UBE2D3: variants seen among roughly 807,000 people sequenced by gnomAD.
UBE2D3 encodes the protein ubiquitin-conjugating enzyme E2 D3.
In UBE2D3, 2 loss-of-function variants were observed where a neutral mutation model predicts 22.8. The ratio of observed to expected loss-of-function variants is 0.09; its 90% CI spans 0.04 to 0.28. The LOEUF (loss-of-function observed/expected upper bound fraction) is 0.28, where lower values mean the gene tolerates loss of function less well. Ranked by LOEUF, UBE2D3 falls within the 10% of genes least tolerant of loss-of-function variation. The pLI is 1.00. For missense variants in UBE2D3, 27 were observed against 182.5 expected (o/e 0.15, Z 4.91); for synonymous variants, 56 against 60.4 (o/e 0.93, Z 0.34).
At chr4:102,802,160 TAAG>T (rs1391642499) in intron 5 of UBE2D3, 2 of 157,190 alleles carry the variant, frequency 1.3e-5, no homozygotes, top group African/African-American at 4.8e-5. Context: ...TAAGCAACTC[TAAG>T]TTTTCACAAA....
At chr4:102,800,929 A>T (rs1410956140) in intron 6 of UBE2D3, among the ~76,000 whole-genome samples, 2 of 152,038 alleles carry the variant, frequency 1.3e-5, no homozygotes, top group African/African-American at 4.8e-5. Context: ...AAGAGACCAG[A>T]ATTGATCTAC....
chr4:102,808,904 T>C (rs1474063892), intron 4 of UBE2D3, among the ~76,000 whole-genome samples: 1 of 152,044 alleles, frequency 6.6e-6, no homozygotes, highest in Non-Finnish European at 1.5e-5. Context: ...CTGACCATTA[T>C]CTCACCTAGT....
intron 1 of UBE2D3, chr4:102,827,125 G>A (rs1578271746): frequency 8.1e-6 from 8 of 986,494 alleles, no homozygotes; most frequent in Non-Finnish European, 8.4e-6. Flanking sequence ...GCTATTCTGT[G>A]TCACCCCTGA....
At chr4:102,840,402 C>A (rs1456538692) in intron 1 of UBE2D3, among the ~76,000 whole-genome samples, 4 of 152,204 alleles carry the variant, frequency 2.6e-5, no homozygotes, top group East Asian at 1.9e-4. Context: ...AGAATGAAAT[C>A]ATTTCCTCTG....
intron 2 of UBE2D3, among the ~76,000 whole-genome samples, chr4:102,826,216 G>A (rs924356379): frequency 1.3e-5 from 2 of 152,086 alleles, no homozygotes; most frequent in Middle Eastern, 6.8e-3. Flanking sequence ...AAATAATAAA[G>A]GCGCCTTAAG....
At chr4:102,811,289 T>G (rs1194563258) in intron 2 of UBE2D3, 1 of 152,602 alleles carries the variant, frequency 6.6e-6, no homozygotes, top group East Asian at 1.9e-4. Flanking sequence ...AAGGCTGCAG[T>G]GAGCTGTGAT....
rs1259738092 is a variant in UBE2D3, at chr4:102,825,513, C to G, written c.24+972G>C. 3.4e-6 allele frequency: 4 copies of G among 1,168,866 alleles called. No homozygotes were observed. The East Asian group carries it at 1.9e-4, about 54-fold the overall frequency. The allele number at this position is 1,168,866 out of a possible 1,614,324, so 72.4% of individuals were successfully genotyped here. A position where few individuals can be genotyped will look rare whatever the true frequency, so the allele number is the denominator to read the frequency against. On this transcript the variant is annotated intron_variant, in intron 2 of 7. Coordinates refer to ENST00000453744, the MANE Select transcript of UBE2D3 (RefSeq NM_181891.3). ...AAGGAGATGCCGGAAAGAGCCTGAA[C>G]CAGTTAAAGCAGCCGCCATCTTAAA...
chr4:102,868,840 A>C, exon 1 of UBE2D3: 2 of 1,578,356 alleles, frequency 1.3e-6, no homozygotes, highest in Non-Finnish European at 8.7e-7. Flanking sequence ...CCTTCACACG[A>C]GATTCCGAGG....
chr4:102,818,327 T>C (rs746884822), intron 2 of UBE2D3, among the ~76,000 whole-genome samples: 5 of 152,242 alleles, frequency 3.3e-5, no homozygotes, highest in East Asian at 3.8e-4. Flanking sequence ...TTTAGTGTCA[T>C]CTTCCTCTGA....
chr4:102,828,164 G>C (rs1730876785), upstream of UBE2D3: 2 of 985,302 alleles, frequency 2.0e-6, no homozygotes, highest in Non-Finnish European at 2.4e-6. Context: ...GGTTGGTAGA[G>C]GAAATGGAAT....
At chr4:102,806,458 T>C (rs1727056154) in intron 4 of UBE2D3, among the ~76,000 whole-genome samples, 1 of 152,162 alleles carries the variant, frequency 6.6e-6, no homozygotes, top group Admixed American at 6.5e-5. Flanking sequence ...GAAAAAGTCT[T>C]CAGGTATCAG....
chr4:102,847,488 T>C (rs964975463), intron 1 of UBE2D3, among the ~76,000 whole-genome samples: 2 of 148,822 alleles, frequency 1.3e-5, no homozygotes, highest in Admixed American at 6.8e-5. Context: ...GGTTTTACCA[T>C]GTTAGTCAGG....
chr4:102,849,357 CCT>C (rs1732221414), intron 1 of UBE2D3, among the ~76,000 whole-genome samples: 1 of 137,720 alleles, frequency 7.3e-6, no homozygotes, highest in Non-Finnish European at 1.5e-5. Context: ...GAGTGAGACC[CCT>C]GTCTCAAAAA....
rs1027033493 is a variant in UBE2D3 at position 102,827,050 on chromosome 4, G to A, written c.-129+377C>T. On this transcript the variant is annotated intron_variant, in intron 1 of 7. Transcript: ENST00000453744. Reference sequence around the variant, plus strand: ...CTGCTTTCGGTTTCTGTCCAAAGGTGCGGCCGGGAAAAGGAAGGAAATAAA... The same window carrying A: ...CTGCTTTCGGTTTCTGTCCAAAGGTACGGCCGGGAAAAGGAAGGAAATAAA... 1.1e-4 allele frequency: 113 copies of A among 991,412 alleles called. 1 individual carries two copies. The highest frequency in any genetic ancestry group is 6.2e-4 in the South Asian group (14 of 22,568). The allele number at this position is 991,412 out of a possible 1,614,324, so 61.4% of individuals were successfully genotyped here.
rs1725073031 is a variant in UBE2D3, at chr4:102,794,598, A to G, written c.*2817T>C. ...GGCTGAGTTACCCCCCTCCCCGCCC[A>G]AATTACTAACACAGCATGATCAGTA... is the stretch of plus-strand genomic sequence containing the variant. On this transcript the variant is annotated 3_prime_UTR_variant, in exon 8 of 8. Transcript: ENST00000453744. The G allele has an allele frequency of 1.3e-5, 2 of 151,862 alleles. No individual in the cohort carries two copies. Among genetic ancestry groups the G allele is most frequent in the African/African-American group, 2.4e-5 (1 of 41,322 alleles). 9.4% of individuals were successfully genotyped at this position (151,862 alleles called of 1,614,324 possible).
At chr4:102,859,297 T>C (rs928339774) in intron 1 of UBE2D3, among the ~76,000 whole-genome samples, 2 of 152,020 alleles carry the variant, frequency 1.3e-5, no homozygotes, top group African/African-American at 4.8e-5. Flanking sequence ...GGAGCTCCCT[T>C]GTACATGACA....
At chr4:102,809,227 T>C (rs1578235579) in intron 4 of UBE2D3, 1 of 264,854 alleles carries the variant, frequency 3.8e-6, no homozygotes, top group Non-Finnish European at 8.2e-6. Flanking sequence ...TATTCAAATT[T>C]TGCATAAACT....
chr4:102,845,735 C>G (rs1200371111), intron 1 of UBE2D3, among the ~76,000 whole-genome samples: 1 of 152,116 alleles, frequency 6.6e-6, no homozygotes, highest in Non-Finnish European at 1.5e-5. Context: ...GGTTAACGTT[C>G]TCTCCTTTGA....
intron 2 of UBE2D3, among the ~76,000 whole-genome samples, chr4:102,823,611 T>C (rs1284696785): frequency 6.6e-6 from 1 of 152,218 alleles, no homozygotes; most frequent in African/African-American, 2.4e-5. Context: ...AGTCCCTGTT[T>C]AATGGGAGTG....
Sources: allele counts gnomAD v4.1 joint callset (sites outside exome capture counted in the v4.1 genomes callset), GRCh38; gene constraint gnomAD v4.1.1; transcripts MANE v1.5; gene names NCBI Gene and HGNC (gene_info 2026-07-23, HGNC 2026-07-21).